The following PARP6 variants were observed in gnomAD, a reference collection of about 807,000 sequenced individuals.
The protein encoded by PARP6 is poly(ADP-ribose) polymerase family member 6.
Under a neutral mutation model 92.0 loss-of-function variants are expected in PARP6, and 27 were observed. That is an observed-to-expected ratio of 0.29 (90% CI 0.22 to 0.40). PARP6 has a LOEUF of 0.40. Ranked by LOEUF, PARP6 falls within the 10% of genes least tolerant of loss-of-function variation. PARP6 has a pLI of 1.00. For missense variants in PARP6, 501 were observed against 784.5 expected, an observed-to-expected ratio of 0.64 and a Z score of 4.32; for synonymous variants, 272 against 281.2, an observed-to-expected ratio of 0.97 and a Z score of 0.33.
chr15:72,258,237 G>C, intron 11 of PARP6, 105 bp from the exon 12 acceptor site: 1 of 791,944 alleles, frequency 1.3e-6, no homozygotes, highest in South Asian at 1.4e-5. Flanking sequence ...TCCCAGCCCC[G>C]TGCCTAAGGT....
chr15:72,259,557 T>G (rs767379644), intron 11 of PARP6, 51 bp downstream of exon 11: 4 of 1,523,936 alleles, frequency 2.6e-6, no homozygotes, highest in African/African-American at 1.4e-5. Context: ...GGAGACCAAA[T>G]GGGTCAGACA....
Position 72,252,001 on chromosome 15 carries a change from G to A in PARP6, c.1260-746C>T, listed in dbSNP as rs375607205. On this transcript the variant is annotated intron_variant, in intron 16 of 23. Transcript: ENST00000569795. ...CCTGGTTATTCCTCAGGCTAAGAGG[G>A]AGAAAGCTGTTGCACTGAGGAAGTA... 1.7e-4 allele frequency among the ~76,000 whole-genome samples: 26 copies of A among 152,360 alleles called. No homozygotes were observed. The East Asian group carries it at 3.1e-3, about 18-fold the overall frequency.
intron 8 of PARP6, among the ~76,000 whole-genome samples, 193 bp downstream of exon 8, chr15:72,264,362 A>G (rs574584292): frequency 6.6e-6 from 1 of 152,298 alleles, no homozygotes; most frequent in East Asian, 1.9e-4. Context: ...TCTGACACCC[A>G]AGAACCACAT....
rs201665284 is a variant in PARP6 at position 72,247,773 on chromosome 15, ACTCT to A, written c.1561+1468_1561+1471del. Among the ~76,000 whole-genome samples the A allele has an allele frequency of 7.2e-3, 1,082 of 150,834 alleles. 13 individuals carry two copies. Among genetic ancestry groups the A allele is most frequent in the Admixed American group, 9.3e-3 (141 of 15,172 alleles). On this transcript the variant is annotated intron_variant, in intron 20 of 23. Coordinates refer to ENST00000569795, the MANE Select transcript of PARP6 (RefSeq NM_001323532.2). ...TTAAATTATTAGCATAGTGTAGGTAACTCTCTTATTACTTTTTATTTTTTTTTTA... is the reference window on the plus strand; with the variant it reads ...TTAAATTATTAGCATAGTGTAGGTAACTTATTACTTTTTATTTTTTTTTTA...
chr15:72,242,804 C>G lies in PARP6; in HGVS notation c.1562-105G>C. ...CTCATCAAAACAGCAGAGAATAAAACAAAGAAGATTATTTTCCCCCACAGA... is the reference window on the plus strand; with the variant it reads ...CTCATCAAAACAGCAGAGAATAAAAGAAAGAAGATTATTTTCCCCCACAGA... On this transcript the variant is annotated intron_variant, in intron 20 of 23. Coordinates refer to ENST00000569795, the MANE Select transcript of PARP6 (RefSeq NM_001323532.2). The surrounding 1 kb of genome is among the most constrained non-coding windows in gnomAD (Gnocchi z 4.3). 1.4e-6 allele frequency: 1 copy of G among 696,472 alleles called. No homozygotes were observed. 43.1% of individuals were successfully genotyped at this position (696,472 alleles called of 1,614,324 possible).
rs186545901 is a variant in PARP6 at position 72,271,639 on chromosome 15, T to C, written c.-459-352A>G. The stretch of plus-strand genomic sequence containing the variant: ...ACAGAAGGACTGGGATGTAAAGACA[T>C]TGGACAGGTCCTAATTACATCTAAT... On this transcript the variant is annotated intron_variant, in intron 1 of 23. Coordinates refer to ENST00000569795, the MANE Select transcript of PARP6 (RefSeq NM_001323532.2). Among the ~76,000 whole-genome samples, 274 of 152,340 alleles carry C rather than the reference T, an allele frequency of 1.8e-3. 1 individual carries two copies. The highest frequency in any genetic ancestry group is 6.3e-3 in the African/African-American group (264 of 41,582).
At chr15:72,259,693 C>A (rs764585867) in intron 10 of PARP6, 32 bp from the exon 11 acceptor site, 11 of 1,606,798 alleles carry the variant, frequency 6.8e-6, no homozygotes, top group Non-Finnish European at 9.4e-6. Context: ...ACCCCGTGAA[C>A]CTCCTATGAA....
Position 72,259,733 on chromosome 15 carries a change from C to CT in PARP6, c.757-73dup. 5.3e-6 allele frequency: 7 copies of CT among 1,322,358 alleles called. No homozygotes were observed. The South Asian group carries it at 8.4e-5, about 16-fold the overall frequency. The allele number at this position is 1,322,358 out of a possible 1,614,324, so 81.9% of individuals were successfully genotyped here. ...GGGCCTAGACAGACCTGACTCTTGCCTATCACCTAGGACTCTCCTAAAGCA... is the reference window on the plus strand; with the variant it reads ...GGGCCTAGACAGACCTGACTCTTGCCTTATCACCTAGGACTCTCCTAAAGCA... On this transcript the variant is annotated intron_variant, in intron 10 of 23. Transcript: ENST00000569795.
Position 72,251,228 on chromosome 15 carries a change from A to C in PARP6, c.1287T>G (p.Ile429Met). 1 of 1,599,384 alleles carries C rather than the reference A, an allele frequency of 6.3e-7. No individual in the cohort carries two copies. Among genetic ancestry groups the C allele is most frequent in the Non-Finnish European group, 8.6e-7 (1 of 1,166,684 alleles). ...TTACCCTGCTGAGAGGTAGTTTGAC[A>C]ATGTGTGACCTGTTGCTAGAGATGA... ...QWIISSNRSH[I>M]VKLPLSRLKF... is the part of the protein sequence containing the mutation. The change falls in exon 17 of 24, where the codon ATT becomes ATG. Residue 429 changes from isoleucine (I) to methionine (M), a missense_variant. This residue lies in a region of PARP6 where 191 missense variants were observed against 399.1 expected (regional missense o/e 0.48). Transcript: ENST00000569795.
chr15:72,249,372 T>A lies in PARP6; in HGVS notation c.1492-58A>T. 5.1e-6 allele frequency: 5 copies of A among 988,160 alleles called. No homozygotes were observed. In the South Asian group the frequency reaches 7.1e-5, roughly 14 times the overall value. 61.2% of individuals were successfully genotyped at this position (988,160 alleles called of 1,614,324 possible). On this transcript the variant is annotated intron_variant, in intron 19 of 23. Coordinates refer to ENST00000569795, the MANE Select transcript of PARP6 (RefSeq NM_001323532.2). ...GCCTGGGCCCTCCCATGGCTATTTA[T>A]TAGGCAGCAGCAAGGCTTATCCAGC...
At chr15:72,246,622 TCA>T (rs1026799243) in intron 20 of PARP6, among the ~76,000 whole-genome samples, 1 of 152,120 alleles carries the variant, frequency 6.6e-6, no homozygotes, top group East Asian at 1.9e-4. Context: ...CCTTTAGTTT[TCA>T]CACACACACA....
In PARP6 at chr15:72,241,232, G is replaced by A. The variant is rs539683592; in HGVS notation, c.*223C>T. The stretch of plus-strand genomic sequence containing the variant: ...TTGTTTTATTTACAAACAGGGTGAA[G>A]TCAAAGGGAAAGTCAGGGGATGGAG... On this transcript the variant is annotated 3_prime_UTR_variant, in exon 24 of 24. Transcript: ENST00000569795. The surrounding 1 kb of genome is among the most constrained non-coding windows in gnomAD (Gnocchi z 4.1). 4.5e-6 allele frequency: 3 copies of A among 666,018 alleles called. No homozygotes were observed. The South Asian group carries it at 4.5e-5, about 10-fold the overall frequency. 41.3% of individuals were successfully genotyped at this position (666,018 alleles called of 1,614,324 possible).
At position 72,241,350 on chromosome 15, in the gene PARP6, TG is replaced by T; in HGVS notation, c.*104del. The T allele has an allele frequency of 1.3e-6, 1 of 789,644 alleles. No homozygotes were observed. The highest frequency in any genetic ancestry group is 2.2e-6 in the Non-Finnish European group (1 of 449,202). The allele number at this position is 789,644 out of a possible 1,614,324, so 48.9% of individuals were successfully genotyped here. A position where few individuals can be genotyped will look rare whatever the true frequency, so the allele number is the denominator to read the frequency against. ...ATATCCTTTTCCTGCCCCTTGGTAA[TG>T]GCCCCTTGATTCCTCAGGGCAGCCT... is the stretch of plus-strand genomic sequence containing the variant. On this transcript the variant is annotated 3_prime_UTR_variant, in exon 24 of 24. Coordinates refer to ENST00000569795, the MANE Select transcript of PARP6 (RefSeq NM_001323532.2). The surrounding 1 kb of genome is among the most constrained non-coding windows in gnomAD (Gnocchi z 4.1).
intron 20 of PARP6, among the ~76,000 whole-genome samples, chr15:72,248,608 C>T (rs1458081363): frequency 6.6e-6 from 1 of 152,170 alleles, no homozygotes; most frequent in Admixed American, 6.5e-5. Flanking sequence ...ACAGAGACTA[C>T]ATCAAACAAG....
chr15:72,241,707 C>G lies in PARP6; in HGVS notation c.1791-150G>C. 2 of 768,234 alleles carry G rather than the reference C, an allele frequency of 2.6e-6. No homozygotes were observed. The highest frequency in any genetic ancestry group is 3.3e-5 in the South Asian group (2 of 60,586). The allele number at this position is 768,234 out of a possible 1,614,324, so 47.6% of individuals were successfully genotyped here. ...TCATAGTGGAAGATATTCAGCTTAT[C>G]TGGTTTCCTCTAGATAGATCCCAAC... On this transcript the variant is annotated intron_variant, in intron 23 of 23. Transcript: ENST00000569795. The surrounding 1 kb of genome is among the most constrained non-coding windows in gnomAD (Gnocchi z 4.1).
At chr15:72,269,122 A>C (rs577213857) in intron 2 of PARP6, among the ~76,000 whole-genome samples, 1 of 152,238 alleles carries the variant, frequency 6.6e-6, no homozygotes, top group Non-Finnish European at 1.5e-5. Context: ...CTCCAACCTC[A>C]AACAGAGGTG....
intron 20 of PARP6, among the ~76,000 whole-genome samples, chr15:72,247,139 C>T (rs547300235): frequency 1.8e-4 from 28 of 152,224 alleles, no homozygotes; most frequent in African/African-American, 6.5e-4. Flanking sequence ...TGTCTCTTCA[C>T]TTTCTTTAGG....
intron 11 of PARP6, 63 bp from the exon 12 acceptor site, chr15:72,258,195 T>A (rs938214929): frequency 1.6e-6 from 2 of 1,282,120 alleles, no homozygotes; most frequent in African/African-American, 2.9e-5. Flanking sequence ...TGGGAAATAA[T>A]TTCAGCTTTT....
intron 3 of PARP6, chr15:72,267,183 C>T (rs983017324): frequency 7.4e-6 from 4 of 541,890 alleles, no homozygotes; most frequent in African/African-American, 5.7e-5. Context: ...AAGCTGGCCT[C>T]TTCCAGGATC....
Sources: allele counts gnomAD v4.1 joint callset (sites outside exome capture counted in the v4.1 genomes callset), GRCh38; gene constraint gnomAD v4.1.1; regional missense constraint gnomAD v4.1.1; non-coding constraint Gnocchi (gnomAD v3.1); transcripts MANE v1.5; gene names NCBI Gene and HGNC (gene_info 2026-07-23, HGNC 2026-07-21).